Variants in PTPRD observed in about 807,000 individuals in gnomAD.
PTPRD encodes the protein receptor-type tyrosine-protein phosphatase delta.
Under a neutral mutation model 214.5 loss-of-function variants are expected in PTPRD, and 34 were observed. The observed-to-expected ratio is 0.16, with a 90% CI of 0.12 to 0.21. The LOEUF is 0.21. Ranked by LOEUF, PTPRD falls within the 10% of genes least tolerant of loss-of-function variation. The pLI is 1.00. For missense variants in PTPRD, 2,545 were observed against 2,398.7 expected (o/e 1.06, Z -1.27); for synonymous variants, 1,128 against 845.7 (o/e 1.33, Z -5.79).
At chr9:8,633,883 G>A (rs569583589) in intron 13 of PTPRD, among the ~76,000 whole-genome samples, 1 of 152,050 alleles carries the variant, frequency 6.6e-6, no homozygotes, top group African/African-American at 2.4e-5. Flanking sequence ...ATTAATGCAT[G>A]CCACCACAGA....
chr9:10,036,969 A>T (rs571889806), intron 3 of PTPRD, among the ~76,000 whole-genome samples: 2 of 151,996 alleles, frequency 1.3e-5, no homozygotes, highest in South Asian at 4.2e-4. Context: ...CTGCAGCTTC[A>T]ATCTCCCAGG....
At chr9:9,753,525 T>C (rs1414512259) in intron 6 of PTPRD, among the ~76,000 whole-genome samples, 2 of 152,054 alleles carry the variant, frequency 1.3e-5, no homozygotes, top group Admixed American at 1.3e-4. Context: ...AAACACTAGC[T>C]CTCTTGTGTG....
intron 11 of PTPRD, among the ~76,000 whole-genome samples, chr9:8,805,021 G>A (rs890246807): frequency 6.6e-6 from 1 of 152,178 alleles, no homozygotes; most frequent in African/African-American, 2.4e-5. Flanking sequence ...AGGGATTACA[G>A]CATGCTTTTG....
At chr9:8,599,906 C>G (rs866412367) in intron 14 of PTPRD, among the ~76,000 whole-genome samples, 2 of 152,130 alleles carry the variant, frequency 1.3e-5, no homozygotes, top group Non-Finnish European at 2.9e-5. Flanking sequence ...GCATGAGCCA[C>G]GGCGCCTGGC....
chr9:10,301,362 C>T (rs2095857157), intron 3 of PTPRD, among the ~76,000 whole-genome samples: 1 of 152,156 alleles, frequency 6.6e-6, no homozygotes, highest in South Asian at 2.1e-4. Context: ...TCTTCTTCTC[C>T]TACAAGAGAT....
intron 3 of PTPRD, among the ~76,000 whole-genome samples, chr9:10,084,748 A>C (rs773260078): frequency 5.9e-5 from 9 of 152,028 alleles, no homozygotes; most frequent in Non-Finnish European, 1.2e-4. Context: ...TATGTAAAAC[A>C]TCAGTCATGG....
intron 3 of PTPRD, among the ~76,000 whole-genome samples, chr9:10,098,526 A>C (rs1032683611): frequency 3.3e-5 from 5 of 151,872 alleles, no homozygotes; most frequent in Admixed American, 2.6e-4. Context: ...AAAAATAAAA[A>C]ATGCTACTTC....
intron 3 of PTPRD, among the ~76,000 whole-genome samples, chr9:10,183,879 A>C (rs2099315120): frequency 6.6e-6 from 1 of 152,250 alleles, no homozygotes; most frequent in African/African-American, 2.4e-5. Flanking sequence ...AAGGAGAGAT[A>C]ACTATTATAA....
At chr9:10,014,734 T>A (rs2096666937) in intron 4 of PTPRD, among the ~76,000 whole-genome samples, 1 of 152,042 alleles carries the variant, frequency 6.6e-6, no homozygotes, top group Admixed American at 6.6e-5. Flanking sequence ...TGCATATTTT[T>A]AATTATCCAT....
At chr9:9,265,513 C>G (rs1938985583) in intron 9 of PTPRD, among the ~76,000 whole-genome samples, 1 of 151,348 alleles carries the variant, frequency 6.6e-6, no homozygotes, top group African/African-American at 2.4e-5. Context: ...TCTATGTTGG[C>G]CTCCCAAAGC....
intron 6 of PTPRD, among the ~76,000 whole-genome samples, chr9:9,738,880 T>C (rs1423500737): frequency 2.0e-5 from 3 of 152,182 alleles, no homozygotes; most frequent in Non-Finnish European, 2.9e-5. Flanking sequence ...TTTATCCCAA[T>C]AATGTAGAAT....
At chr9:8,340,947 A>C in intron 41 of PTPRD, 143 bp downstream of exon 41, 3 of 845,724 alleles carry the variant, frequency 3.5e-6, no homozygotes, top group Non-Finnish European at 5.2e-6. Context: ...CAAAATAACA[A>C]AAAAACAAAT....
intron 7 of PTPRD, among the ~76,000 whole-genome samples, chr9:9,672,061 C>G (rs1400319166): frequency 1.3e-5 from 2 of 152,134 alleles, no homozygotes; most frequent in Non-Finnish European, 2.9e-5. Context: ...GTCACTGTAT[C>G]TGCTGTGAGA....
At chr9:9,229,705 AC>A (rs979161927) in intron 9 of PTPRD, among the ~76,000 whole-genome samples, 43 of 152,264 alleles carry the variant, frequency 2.8e-4, no homozygotes, top group African/African-American at 1.0e-3. Flanking sequence ...ACAAAAAAAT[AC>A]ATTTGTGGAA....
At chr9:9,575,717 C>CAAAAAAAAAAAAAAAAAAAAAAAAAAAAA (rs757614546) in intron 7 of PTPRD, among the ~76,000 whole-genome samples, 32 of 33,310 alleles carry the variant, frequency 9.6e-4, no homozygotes, top group Non-Finnish European at 1.4e-3. Flanking sequence ...AAGACTGTCT[C>CAAAAAAAAAAAAAAAAAAAAAAAAAAAAA]AAAAAAAAAA....
At chr9:9,479,347 G>GCGCACA (rs571191114) in intron 8 of PTPRD, among the ~76,000 whole-genome samples, 1 of 146,668 alleles carries the variant, frequency 6.8e-6, no homozygotes, top group African/African-American at 2.5e-5. Flanking sequence ...GAAAACTGAT[G>GCGCACA]CACACACACA....
chr9:9,948,668 T>G (rs2093091868), intron 4 of PTPRD, among the ~76,000 whole-genome samples: 1 of 152,036 alleles, frequency 6.6e-6, no homozygotes, highest in Non-Finnish European at 1.5e-5. Context: ...TTAGCCAAAA[T>G]TGTAAGAAGT....
chr9:8,402,507 A>G (rs2092527078), intron 36 of PTPRD, among the ~76,000 whole-genome samples: 1 of 152,202 alleles, frequency 6.6e-6, no homozygotes, highest in East Asian at 1.9e-4. Flanking sequence ...AATAGAGCAG[A>G]GGCAGACTGA....
intron 14 of PTPRD, among the ~76,000 whole-genome samples, chr9:8,608,266 G>C (rs1304206596): frequency 6.6e-6 from 1 of 152,090 alleles, no homozygotes; most frequent in Non-Finnish European, 1.5e-5. Flanking sequence ...TGACTTGGAT[G>C]ATCCAGTTCA....
Sources: gnomAD v4.1 joint callset for allele counts (sites outside exome capture counted in the v4.1 genomes callset) on GRCh38, gnomAD v4.1.1 for gene constraint, MANE v1.5 for transcripts, NCBI Gene and HGNC (gene_info 2026-07-23, HGNC 2026-07-21) for gene names.